GPI: variants seen among roughly 807,000 people sequenced by gnomAD.
GPI encodes the protein D-hexose-6-phosphate anomerase.
Under a neutral mutation model 75.8 loss-of-function variants are expected in GPI, and 56 were observed. That is an observed-to-expected ratio of 0.74 (90% CI 0.60 to 0.92). The LOEUF is 0.92. Ranked by LOEUF, GPI falls within the 40% of genes least tolerant of loss-of-function variation. The pLI, the probability that GPI is intolerant of heterozygous loss-of-function variation, is 0.00. For missense variants in GPI, 638 were observed against 741.0 expected (o/e 0.86, Z 1.61); for synonymous variants, 288 against 285.4 (o/e 1.01, Z -0.09).
chr19:34,388,843 A>T (rs950483077), intron 9 of GPI, among the ~76,000 whole-genome samples: 7 of 152,070 alleles, frequency 4.6e-5, no homozygotes, highest in Non-Finnish European at 8.8e-5. Context: ...CATGGCTGTA[A>T]TCCCTGAGCT....
At chr19:34,385,530 G>A (rs552662426) in intron 9 of GPI, among the ~76,000 whole-genome samples, 131 of 152,232 alleles carry the variant, frequency 8.6e-4, no homozygotes, top group Admixed American at 2.0e-3. Context: ...TCTGAAGAAC[G>A]GGAGTTAAAC....
At chr19:34,363,979 C>T (rs1455881996), upstream of GPI, among the ~76,000 whole-genome samples, 53 of 152,156 alleles carry the variant, frequency 3.5e-4, 1 homozygote, top group Admixed American at 3.4e-3. Flanking sequence ...CCTGTGACCC[C>T]TCAGTGACCA....
chr19:34,385,496 A>G (rs1237716012), intron 9 of GPI, among the ~76,000 whole-genome samples: 2 of 152,140 alleles, frequency 1.3e-5, no homozygotes, highest in Admixed American at 1.3e-4. Flanking sequence ...AGCCTGGCCC[A>G]GGTACATCTT....
At chr19:34,364,421 A>T (rs2074324346), upstream of GPI, among the ~76,000 whole-genome samples, 1 of 143,768 alleles carries the variant, frequency 7.0e-6, no homozygotes, top group African/African-American at 2.6e-5. Flanking sequence ...TCACTCTGCC[A>T]CCCAGGCTGG....
chr19:34,364,161 C>T (rs970781209), upstream of GPI, among the ~76,000 whole-genome samples: 1 of 150,270 alleles, frequency 6.7e-6, no homozygotes, highest in African/African-American at 2.5e-5. Flanking sequence ...GTAGCTGGGA[C>T]TCTGCAGATA....
rs141002760 is a variant in GPI at position 34,377,504 on chromosome 19, G to A, written c.404G>A (p.Arg135His). Residue 135 changes from arginine (R) to histidine (H), a missense_variant and splice_region_variant, in exon 5 of 18, where the codon CGT (arginine) becomes CAT (histidine). Physicochemically the swap from Arg to His is conservative, Grantham distance 29. Transcript: ENST00000356487. ...ATGGCATCTTCGCCCCTGTGCCAGC[G>A]TGTCCGGAGCGGTGACTGGAAGGGG... is the stretch of plus-strand genomic sequence containing the variant. Reference protein sequence around the residue: ...VLDKMKSFCQRVRSGDWKGYT... With the variant: ...VLDKMKSFCQHVRSGDWKGYT... 5.5e-5 allele frequency: 88 copies of A among 1,610,648 alleles called. No individual in the cohort carries two copies. Among genetic ancestry groups the A allele is most frequent in the Non-Finnish European group, 7.0e-5 (82 of 1,177,610 alleles).
At chr19:34,366,208 C>T (rs769691774) in intron 1 of GPI, 137 bp from the exon 2 acceptor site, 5 of 729,728 alleles carry the variant, frequency 6.9e-6, no homozygotes, top group African/African-American at 3.5e-5. Flanking sequence ...CAGACACCAC[C>T]ACTGTGCTGG....
At chr19:34,367,141 C>G (rs200044544) in intron 3 of GPI, 73 of 550,900 alleles carry the variant, frequency 1.3e-4, no homozygotes, top group South Asian at 1.2e-3. Context: ...GAGAAGTTAA[C>G]TCTAATATAT....
chr19:34,378,959 C>T lies in GPI; in HGVS notation c.659C>T (p.Thr220Met), dbSNP rs140842009. 94 of 1,614,098 alleles carry T rather than the reference C, an allele frequency of 5.8e-5. No individual in the cohort carries two copies. The highest frequency in any genetic ancestry group is 7.7e-5 in the South Asian group (7 of 91,088). Residue 220 changes from threonine to methionine, a missense_variant, in exon 7 of 18, where the codon ACG becomes ATG. Thr to Met is a moderately conservative substitution (Grantham distance 81). Coordinates refer to ENST00000356487, the MANE Select transcript of GPI (RefSeq NM_000175.5). ...SKTFTTQETITNAETAKEWFL... is the reference protein window; with the variant it reads ...SKTFTTQETIMNAETAKEWFL... ...ACCTTTACTACCCAGGAGACCATCA[C>T]GAATGCAGAGACGGCGAAGGAGTGG...
chr19:34,394,168 T>C (rs1267656928), intron 12 of GPI, 102 bp downstream of exon 12: 5 of 845,516 alleles, frequency 5.9e-6, no homozygotes, highest in East Asian at 5.1e-5. Context: ...CTTTGCCCCA[T>C]TGCCCTTGGG....
chr19:34,378,503 G>T (rs189288231), intron 6 of GPI, among the ~76,000 whole-genome samples: 2 of 151,930 alleles, frequency 1.3e-5, no homozygotes, highest in African/African-American at 4.8e-5. Flanking sequence ...GTCTTGAGCC[G>T]CCATGCCCAG....
At chr19:34,388,264 G>A (rs911379540) in intron 9 of GPI, among the ~76,000 whole-genome samples, 1 of 152,208 alleles carries the variant, frequency 6.6e-6, no homozygotes, top group African/African-American at 2.4e-5. Flanking sequence ...ATCACTTGAG[G>A]TCAGGAGTTT....
rs1026985881 is a variant in GPI, at chr19:34,393,451, T to C, written c.865+143T>C. ...GCAGCTGGCTGGGATATTTATTTCA[T>C]GTCCAGAAGGAAGGTCTGGGTTTTT... On this transcript the variant is annotated intron_variant, in intron 10 of 17. Transcript: ENST00000356487. This position sits in a 1 kb window ranked among gnomAD's most constrained non-coding sequence, Gnocchi z 4.4. 7 of 808,672 alleles carry C rather than the reference T, an allele frequency of 8.7e-6. No homozygotes were observed. The highest frequency in any genetic ancestry group is 1.9e-5 in the Admixed American group (1 of 52,098). 50.1% of individuals were successfully genotyped at this position (808,672 alleles called of 1,614,324 possible).
At chr19:34,372,393 G>T (rs2074468801) in intron 4 of GPI, among the ~76,000 whole-genome samples, 1 of 152,206 alleles carries the variant, frequency 6.6e-6, no homozygotes, top group South Asian at 2.1e-4. Context: ...TGTAATCCCA[G>T]CACTTTGGGA....
In GPI at chr19:34,366,329, C is replaced by T. The variant is rs763394513; in HGVS notation, c.123-16C>T. On this transcript the variant is annotated splice_polypyrimidine_tract_variant and intron_variant, in intron 1 of 17. Coordinates refer to ENST00000356487, the MANE Select transcript of GPI (RefSeq NM_000175.5). ...GAGACCAGGGTGTGGTCAGCAGCAT[C>T]TCCATCTTTCTGCAGCTTGACCCTC... 5 of 1,543,002 alleles carry T rather than the reference C, an allele frequency of 3.2e-6. No homozygotes were observed. The highest frequency in any genetic ancestry group is 4.5e-6 in the Non-Finnish European group (5 of 1,114,974).
In GPI at chr19:34,377,301, C is replaced by CAAAAAA. The variant is rs1169701523; in HGVS notation, c.403-171_403-166dup. 3.9e-4 allele frequency among the ~76,000 whole-genome samples: 6 copies of CAAAAAA among 15,468 alleles called. 1 individual carries two copies. The highest frequency in any genetic ancestry group is 4.9e-4 in the Non-Finnish European group (5 of 10,110). The allele number at this position is 15,468 out of a possible 152,430, so 10.1% of individuals were successfully genotyped here. On this transcript the variant is annotated intron_variant, in intron 4 of 17. Transcript: ENST00000356487. ...TGGGCAACAGAGCAAGGCTTCATCT[C>CAAAAAA]AAAAAAAAAAAAAAAAAAAAAAAAA...
upstream of GPI, among the ~76,000 whole-genome samples, chr19:34,361,000 A>T (rs1186598661): frequency 2.0e-5 from 3 of 151,348 alleles, no homozygotes; most frequent in Admixed American, 2.0e-4. Flanking sequence ...CTGGTCTCAA[A>T]CTCCTGGCTT....
intron 9 of GPI, among the ~76,000 whole-genome samples, chr19:34,390,498 G>A (rs1453076914): frequency 6.6e-6 from 1 of 151,654 alleles, no homozygotes; most frequent in African/African-American, 2.4e-5. Flanking sequence ...CCAAGGAGGT[G>A]GGCTAAGTAC....
At chr19:34,367,310 C>T (rs1161320944) in intron 3 of GPI, 3 of 312,680 alleles carry the variant, frequency 9.6e-6, no homozygotes, top group Non-Finnish European at 1.9e-5. Flanking sequence ...GTATAATGGA[C>T]ACTGAGCACC....
Sources: gnomAD v4.1 joint callset for allele counts (sites outside exome capture counted in the v4.1 genomes callset) on GRCh38, gnomAD v4.1.1 for gene constraint, Gnocchi (gnomAD v3.1) non-coding constraint, MANE v1.5 for transcripts, NCBI Gene and HGNC (gene_info 2026-07-23, HGNC 2026-07-21) for gene names.